Variants in TLR4 observed in about 807,000 individuals in gnomAD.
TLR4 encodes toll-like receptor 4.
Under a neutral mutation model 27.4 loss-of-function variants are expected in TLR4, and 17 were observed. The observed-to-expected ratio is 0.62, with a 90% CI of 0.42 to 0.93. TLR4 has a LOEUF of 0.93. Among genes scored for constraint, TLR4 ranks in the 40% least tolerant of loss-of-function variants. The pLI is 0.00. For synonymous variants in TLR4, 363 were observed against 365.7 expected, an observed-to-expected ratio of 0.99 and a Z score of 0.08; for missense variants, 926 against 962.3, an observed-to-expected ratio of 0.96 and a Z score of 0.50.
Position 117,718,622 on chromosome 9 carries a change from C to G in TLR4, c.*3974C>G, listed in dbSNP as rs1829387311. ...AATTCACTCCTTATCAACTGTGTGC[C>G]TTGGGCTCCATTTCTCTGAGAGTCT... On this transcript the variant is annotated 3_prime_UTR_variant, in exon 3 of 3. Transcript: ENST00000355622. The G allele has an allele frequency of 6.6e-6, 1 of 151,898 alleles. No homozygotes were observed. The highest frequency in any genetic ancestry group is 6.6e-5 in the Admixed American group (1 of 15,240). The allele number at this position is 151,898 out of a possible 1,614,324, so 9.4% of individuals were successfully genotyped here.
rs7868925 is a variant in TLR4, at chr9:117,722,436, G to A, written c.*7788G>A. ...TGCTCCCCAGTGGGAAACACCTGCTGTCAAAATTTTCCTGCTTGCAAAGAG... is the reference window on the plus strand; with the variant it reads ...TGCTCCCCAGTGGGAAACACCTGCTATCAAAATTTTCCTGCTTGCAAAGAG... On this transcript the variant is annotated 3_prime_UTR_variant, in exon 3 of 3. Transcript: ENST00000355622. The A allele has an allele frequency of 1.4e-3, 213 of 152,308 alleles. No homozygotes were observed. The highest frequency in any genetic ancestry group is 4.9e-3 in the African/African-American group (203 of 41,562). 9.4% of individuals were successfully genotyped at this position (152,308 alleles called of 1,614,324 possible). A position where few individuals can be genotyped will look rare whatever the true frequency, so the allele number is the denominator to read the frequency against.
chr9:117,712,118 T>C (rs1299045200), intron 2 of TLR4, among the ~76,000 whole-genome samples: 1 of 152,128 alleles, frequency 6.6e-6, no homozygotes, highest in Non-Finnish European at 1.5e-5. Context: ...TTTAACTGAT[T>C]TCCTTCTTAT....
Position 117,714,031 on chromosome 9 carries a change from G to T in TLR4, c.1903G>T (p.Gly635Cys). The T allele has an allele frequency of 6.2e-7, 1 of 1,613,920 alleles. No individual in the cohort carries two copies. The highest frequency in any genetic ancestry group is 2.2e-5 in the East Asian group (1 of 44,828). ...CTGTCAGATGAATAAGACCATCATT[G>T]GTGTGTCGGTCCTCAGTGTGCTTGT... ...ITCQMNKTII[G>C]VSVLSVLVVS... is the part of the protein sequence containing the mutation. The change falls in exon 3 of 3, where the codon GGT (glycine) becomes TGT (cysteine). Residue 635 changes from glycine to cysteine, a missense_variant. Coordinates refer to ENST00000355622, the MANE Select transcript of TLR4 (RefSeq NM_138554.5).
Position 117,714,907 on chromosome 9 carries a change from T to A in TLR4, c.*259T>A, listed in dbSNP as rs1829317489. On this transcript the variant is annotated 3_prime_UTR_variant, in exon 3 of 3. Transcript: ENST00000355622. ...GGAACCCATGACAAAGAAAGTCATT[T>A]CAACTCTTACCTCATCAAGTTGAAT... is the stretch of plus-strand genomic sequence containing the variant. The A allele has an allele frequency of 2.8e-5, 15 of 534,026 alleles. 1 individual carries two copies. In the South Asian group the frequency reaches 3.0e-4, roughly 11 times the overall value. The allele number at this position is 534,026 out of a possible 1,614,324, so 33.1% of individuals were successfully genotyped here.
At chr9:117,705,882 C>T (rs1829128217) in intron 1 of TLR4, among the ~76,000 whole-genome samples, 1 of 151,838 alleles carries the variant, frequency 6.6e-6, no homozygotes, top group South Asian at 2.1e-4. Context: ...TTTCTTCTAC[C>T]TAGAATGCTA....
At chr9:117,707,554 A>G (rs11536869) in intron 1 of TLR4, among the ~76,000 whole-genome samples, 3,496 of 152,334 alleles carry the variant, frequency 0.023, 66 homozygotes, top group Middle Eastern at 0.048. Flanking sequence ...TGGCTTCTGC[A>G]AGGAATTTTG....
At chr9:117,709,649 A>T (rs1435918941) in intron 2 of TLR4, among the ~76,000 whole-genome samples, 1 of 152,216 alleles carries the variant, frequency 6.6e-6, no homozygotes, top group Admixed American at 6.5e-5. Flanking sequence ...ATTTCAAAAC[A>T]TTTTACATAT....
rs1829405603 is a variant in TLR4, at chr9:117,720,066, T to C, written c.*5418T>C. On this transcript the variant is annotated 3_prime_UTR_variant, in exon 3 of 3. Coordinates refer to ENST00000355622, the MANE Select transcript of TLR4 (RefSeq NM_138554.5). ...TAAGTTGCTAAGCTTTTGGTGCATG[T>C]CTGGCACCGTTTTAGTTGTATATTA... The C allele has an allele frequency of 6.6e-6, 1 of 152,182 alleles. No homozygotes were observed. Among genetic ancestry groups the C allele is most frequent in the African/African-American group, 2.4e-5 (1 of 41,450 alleles). 9.4% of individuals were successfully genotyped at this position (152,182 alleles called of 1,614,324 possible). A position where few individuals can be genotyped will look rare whatever the true frequency, so the allele number is the denominator to read the frequency against.
Position 117,714,305 on chromosome 9 carries a change from G to A in TLR4, c.2177G>A (p.Gly726Asp), listed in dbSNP as rs746352626. The change falls in exon 3 of 3, where the codon GGT (glycine) becomes GAT (aspartate). Residue 726 changes from glycine (G) to aspartate (D), a missense_variant. Physicochemically the swap from Gly to Asp is moderately conservative, Grantham distance 94. Transcript: ENST00000355622. ...VAIAANIIHE[G>D]FHKSRKVIVV... Reference sequence around the variant, plus strand: ...ATTGCTGCCAACATCATCCATGAAGGTTTCCATAAAAGCCGAAAGGTGATT... The same window carrying A: ...ATTGCTGCCAACATCATCCATGAAGATTTCCATAAAAGCCGAAAGGTGATT... The A allele has an allele frequency of 1.9e-6, 3 of 1,593,714 alleles. No homozygotes were observed. The East Asian group carries it at 6.8e-5, about 36-fold the overall frequency.
At position 117,723,783 on chromosome 9, in the gene TLR4, T is replaced by C. The variant is rs1829448461; in HGVS notation, c.*9135T>C. 6.6e-6 allele frequency: 1 copy of C among 152,206 alleles called. No individual in the cohort carries two copies. Among genetic ancestry groups the C allele is most frequent in the Admixed American group, 6.5e-5 (1 of 15,284 alleles). The allele number at this position is 152,206 out of a possible 1,614,324, so 9.4% of individuals were successfully genotyped here. On this transcript the variant is annotated 3_prime_UTR_variant, in exon 3 of 3. Transcript: ENST00000355622. ...TTTTAATTATCTTAAAGGAGAAGAA[T>C]ACAGTTTCTCTAAACTCAAGCACTT...
intron 1 of TLR4, among the ~76,000 whole-genome samples, chr9:117,704,909 A>G (rs1829111710): frequency 6.6e-6 from 1 of 152,138 alleles, no homozygotes; most frequent in Non-Finnish European, 1.5e-5. Context: ...TCTTCACTAG[A>G]GAGTAAGCAG....
rs1217519172 is a variant in TLR4, at chr9:117,708,677, G to A, written c.208G>A (p.Gly70Ser). 3 of 1,613,796 alleles carry A rather than the reference G, an allele frequency of 1.9e-6. No homozygotes were observed. Among genetic ancestry groups the A allele is most frequent in the Non-Finnish European group, 2.5e-6 (3 of 1,179,860 alleles). ...DLSFNPLRHL[G>S]SYSFFSFPEL... ...GAGCTTTAATCCCCTGAGGCATTTA[G>A]GCAGCTATAGCTTCTTCAGTTTCCC... Residue 70 changes from glycine to serine, a missense_variant, in exon 2 of 3, where the codon GGC becomes AGC. Transcript: ENST00000355622.
In TLR4 at chr9:117,713,103, C is replaced by A. The variant is rs750756779; in HGVS notation, c.975C>A (p.Asp325Glu). The change falls in exon 3 of 3, where the codon GAC (aspartate) becomes GAA (glutamate). Residue 325 changes from aspartate (D) to glutamate (E), a missense_variant. Asp to Glu is a conservative substitution (Grantham distance 45). Coordinates refer to ENST00000355622, the MANE Select transcript of TLR4 (RefSeq NM_138554.5). ...GTGTGACTATTGAAAGGGTAAAAGACTTTTCTTATAATTTCGGATGGCAAC... is the reference window on the plus strand; with the variant it reads ...GTGTGACTATTGAAAGGGTAAAAGAATTTTCTTATAATTTCGGATGGCAAC... Reference protein sequence around the residue: ...LVSVTIERVKDFSYNFGWQHL... With the variant: ...LVSVTIERVKEFSYNFGWQHL... The A allele has an allele frequency of 6.2e-7, 1 of 1,612,372 alleles. No individual in the cohort carries two copies. Among genetic ancestry groups the A allele is most frequent in the South Asian group, 1.1e-5 (1 of 90,936 alleles).
In TLR4 at chr9:117,714,782, T is replaced by G. The variant is rs1829314410; in HGVS notation, c.*134T>G. On this transcript the variant is annotated 3_prime_UTR_variant, in exon 3 of 3. Transcript: ENST00000355622. ...GAGTAATTCCATGGTGCACTAGATA[T>G]GCAGGGCTGCTAATCTCAAGGAGCT... The G allele has an allele frequency of 1.3e-6, 1 of 772,350 alleles. No homozygotes were observed. The highest frequency in any genetic ancestry group is 3.5e-4 in the Middle Eastern group (1 of 2,836). The allele number at this position is 772,350 out of a possible 1,614,324, so 47.8% of individuals were successfully genotyped here. A position where few individuals can be genotyped will look rare whatever the true frequency, so the allele number is the denominator to read the frequency against.
chr9:117,705,095 GA>G (rs938582044), intron 1 of TLR4, among the ~76,000 whole-genome samples: 2 of 151,018 alleles, frequency 1.3e-5, no homozygotes, highest in African/African-American at 4.9e-5. Context: ...TCCAGAGGAT[GA>G]AAAAAATAAG....
chr9:117,705,456 G>T (rs1313855478), intron 1 of TLR4, among the ~76,000 whole-genome samples: 4 of 152,096 alleles, frequency 2.6e-5, no homozygotes, highest in African/African-American at 9.7e-5. Context: ...TCAATTCCCT[G>T]CCCATAGTCC....
chr9:117,711,514 T>C, intron 2 of TLR4, among the ~76,000 whole-genome samples: 1 of 152,176 alleles, frequency 6.6e-6, no homozygotes, highest in East Asian at 1.9e-4. Flanking sequence ...CTCTGCCTAA[T>C]TGGGAACCTT....
rs1248733660 is a variant in TLR4 at position 117,718,058 on chromosome 9, A to G, written c.*3410A>G. The G allele has an allele frequency of 6.6e-6, 1 of 152,202 alleles. No homozygotes were observed. Among genetic ancestry groups the G allele is most frequent in the Non-Finnish European group, 1.5e-5 (1 of 68,010 alleles). The allele number at this position is 152,202 out of a possible 1,614,324, so 9.4% of individuals were successfully genotyped here. A position where few individuals can be genotyped will look rare whatever the true frequency, so the allele number is the denominator to read the frequency against. ...ACCTTACAACTTGAAACATATTCAC[A>G]AAACTATATATTTGAATATCTCATT... is the stretch of plus-strand genomic sequence containing the variant. On this transcript the variant is annotated 3_prime_UTR_variant, in exon 3 of 3. Transcript: ENST00000355622.
intron 2 of TLR4, among the ~76,000 whole-genome samples, chr9:117,709,864 G>A (rs1048107621): frequency 6.6e-6 from 1 of 152,002 alleles, no homozygotes; most frequent in African/African-American, 2.4e-5. Context: ...CCTGAGCCAA[G>A]TTTACCCCCA....
Sources: gnomAD v4.1 joint callset for allele counts (sites outside exome capture counted in the v4.1 genomes callset) on GRCh38, gnomAD v4.1.1 for gene constraint, MANE v1.5 for transcripts, NCBI Gene and HGNC (gene_info 2026-07-23, HGNC 2026-07-21) for gene names.